PSMD5: variants seen among roughly 807,000 people sequenced by gnomAD.
PSMD5 encodes 26S proteasome non-ATPase regulatory subunit 5.
Under a neutral mutation model 52.1 loss-of-function variants are expected in PSMD5, and 40 were observed. That is an observed-to-expected ratio of 0.77 (90% CI 0.60 to 1.00). The LOEUF (loss-of-function observed/expected upper bound fraction) is 1.00. Among genes scored for constraint, PSMD5 ranks in the 50% least tolerant of loss-of-function variants. The pLI is 0.00. For synonymous variants in PSMD5, 211 were observed against 226.6 expected, an observed-to-expected ratio of 0.93 and a Z score of 0.62; for missense variants, 575 against 605.2, an observed-to-expected ratio of 0.95 and a Z score of 0.52.
Position 120,821,451 on chromosome 9 carries a change from T to C in PSMD5, c.1020A>G (p.Glu340=). 1 of 1,594,028 alleles carries C rather than the reference T, an allele frequency of 6.3e-7. No individual in the cohort carries two copies. The highest frequency in any genetic ancestry group is 8.5e-7 in the Non-Finnish European group (1 of 1,172,704). ...QVLQKTGTRF[E]RLLMRIGHQS... is the part of the protein sequence containing the mutation. The stretch of plus-strand genomic sequence containing the variant: ...GATGTCCTATTCTCATAAGCAAGCG[T>C]TCAAAGCGAGTTCCTTTGAAGGATA... Residue 340 remains glutamate (E), a synonymous_variant, in exon 8 of 10, where the codon GAA becomes GAG. Coordinates refer to ENST00000210313, the MANE Select transcript of PSMD5 (RefSeq NM_005047.4).
intron 9 of PSMD5, among the ~76,000 whole-genome samples, chr9:120,818,995 T>C (rs1242081858): frequency 6.6e-6 from 1 of 152,170 alleles, no homozygotes; most frequent in Non-Finnish European, 1.5e-5. Flanking sequence ...GATACAACTA[T>C]ATTTGAAATA....
At position 120,821,356 on chromosome 9, in the gene PSMD5, G is replaced by A; in HGVS notation, c.1115C>T (p.Pro372Leu). The A allele has an allele frequency of 6.5e-7, 1 of 1,535,860 alleles. No homozygotes were observed. The highest frequency in any genetic ancestry group is 8.9e-7 in the Non-Finnish European group (1 of 1,126,174). Reference protein sequence around the residue: ...LDAISSLLYLPPEQQTDDLLR... With the variant: ...LDAISSLLYLLPEQQTDDLLR... The stretch of plus-strand genomic sequence containing the variant: ...TTCATTATTTCCCTACCTACTTACT[G>A]GTAAGTACAGAAGAGATGAAATTGC... Residue 372 changes from proline to leucine, a missense_variant and splice_region_variant, in exon 8 of 10, where the codon CCA (proline) becomes CTA (leucine). Pro to Leu is a moderately conservative substitution (Grantham distance 98). Coordinates refer to ENST00000210313, the MANE Select transcript of PSMD5 (RefSeq NM_005047.4).
chr9:120,839,977 C>G (rs1208068338), intron 1 of PSMD5, among the ~76,000 whole-genome samples: 2 of 151,084 alleles, frequency 1.3e-5, no homozygotes, highest in Non-Finnish European at 3.0e-5. Context: ...AAAAAATTAG[C>G]TGGGCGTTGT....
chr9:120,842,657 C>T (rs974316336), intron 1 of PSMD5, 80 bp downstream of exon 1: 41 of 1,529,736 alleles, frequency 2.7e-5, no homozygotes, highest in Non-Finnish European at 2.5e-5. Flanking sequence ...GGGAAAAGCG[C>T]TGTTCTTGCC....
intron 8 of PSMD5, 39 bp downstream of exon 8, chr9:120,821,316 C>T: frequency 7.6e-7 from 1 of 1,310,332 alleles, no homozygotes; most frequent in Admixed American, 2.2e-5. Flanking sequence ...TTCTCCCAAA[C>T]ATATCCCACT....
chr9:120,818,190 A>C, intron 9 of PSMD5, 27 bp from the exon 10 acceptor site: 1 of 1,592,552 alleles, frequency 6.3e-7, no homozygotes, highest in Non-Finnish European at 8.6e-7. Context: ...AAAGAATACA[A>C]TTCCCCTGAG....
chr9:120,824,048 G>C (rs1384266596), intron 7 of PSMD5: 1 of 173,074 alleles, frequency 5.8e-6, no homozygotes, highest in African/African-American at 2.5e-5. Flanking sequence ...GAGGCAGGAG[G>C]ATTGCTTGAG....
intron 1 of PSMD5, among the ~76,000 whole-genome samples, chr9:120,840,084 G>GCCACTGCA (rs1288567275): frequency 7.3e-6 from 1 of 137,018 alleles, no homozygotes; most frequent in African/African-American, 2.8e-5. Context: ...CTTACATCCT[G>GCCACTGCA]CCACTGCACT....
chr9:120,834,202 G>C (rs752501120), intron 1 of PSMD5, among the ~76,000 whole-genome samples: 1 of 151,690 alleles, frequency 6.6e-6, no homozygotes, highest in Non-Finnish European at 1.5e-5. Flanking sequence ...TGATGATCTC[G>C]ATCTCCTGAC....
intron 3 of PSMD5, 66 bp downstream of exon 3, chr9:120,831,766 C>A: frequency 6.4e-7 from 1 of 1,550,946 alleles, no homozygotes; most frequent in Non-Finnish European, 8.7e-7. Flanking sequence ...ATTCAGAAGG[C>A]CTTTCTTTAT....
At chr9:120,820,009 C>T (rs1476787988) in intron 9 of PSMD5, among the ~76,000 whole-genome samples, 2 of 152,072 alleles carry the variant, frequency 1.3e-5, no homozygotes, top group Admixed American at 6.5e-5. Context: ...ATTACTAAAG[C>T]GATTACTATC....
chr9:120,840,619 C>CTTTTT, intron 1 of PSMD5, among the ~76,000 whole-genome samples: 1 of 116,176 alleles, frequency 8.6e-6, no homozygotes, highest in Admixed American at 9.2e-5. Context: ...CTAATTTTTG[C>CTTTTT]TTTTTTTTTT....
chr9:120,820,359 T>C (rs989878358), intron 9 of PSMD5, among the ~76,000 whole-genome samples: 1 of 152,232 alleles, frequency 6.6e-6, no homozygotes, highest in Non-Finnish European at 1.5e-5. Context: ...AACTCAACCT[T>C]GTCAATCTGG....
rs1305174239 is a variant in PSMD5 at position 120,818,095 on chromosome 9, C to T, written c.1326G>A (p.Val442=). 3 of 1,614,164 alleles carry T rather than the reference C, an allele frequency of 1.9e-6. No individual in the cohort carries two copies. Among genetic ancestry groups the T allele is most frequent in the East Asian group, 4.5e-5 (2 of 44,886 alleles). ...FNSPGFVEYV[V]DRSVEHDKAS... Reference sequence around the variant, plus strand: ...CTTTGTCATGCTCCACAGACCGGTCCACCACATATTCTACAAAACCTGGAC... The same window carrying T: ...CTTTGTCATGCTCCACAGACCGGTCTACCACATATTCTACAAAACCTGGAC... The change falls in exon 10 of 10, where the codon GTG becomes GTA. Residue 442 remains valine, a synonymous_variant. Transcript: ENST00000210313.
At position 120,826,782 on chromosome 9, in the gene PSMD5, G is replaced by C. The variant is rs1321130768; in HGVS notation, c.797C>G (p.Ser266Cys). ...TTCCTTACCTGGCAGATAGAAGCTAGAGAAAGGGTCTGAATCTGCCCCAAC... is the reference window on the plus strand; with the variant it reads ...TTCCTTACCTGGCAGATAGAAGCTACAGAAAGGGTCTGAATCTGCCCCAAC... ...IIVGADSDPF[S>C]SFYLPGFVKF... Residue 266 changes from serine (S) to cysteine (C), a missense_variant, in exon 6 of 10, where the codon TCT (serine) becomes TGT (cysteine). Ser to Cys is a moderately radical substitution (Grantham distance 112). Coordinates refer to ENST00000210313, the MANE Select transcript of PSMD5 (RefSeq NM_005047.4). 8 of 1,613,804 alleles carry C rather than the reference G, an allele frequency of 5.0e-6. No individual in the cohort carries two copies. The highest frequency in any genetic ancestry group is 5.9e-6 in the Non-Finnish European group (7 of 1,179,782).
rs1318738798 is a variant in PSMD5, at chr9:120,840,122, G to A, written c.173+2615C>T. On this transcript the variant is annotated intron_variant, in intron 1 of 9. Transcript: ENST00000210313. ...AGCCTGGGCAACAGAACGAGAACCC[G>A]TCTCAAAAAAAAAAAAAAAAAAAAA... 3.5e-5 allele frequency among the ~76,000 whole-genome samples: 4 copies of A among 112,940 alleles called. No homozygotes were observed. The Admixed American group carries it at 4.4e-4, about 12-fold the overall frequency. 74.1% of individuals were successfully genotyped at this position (112,940 alleles called of 152,430 possible).
intron 8 of PSMD5, 112 bp downstream of exon 8, chr9:120,821,243 T>A (rs2045082060): frequency 1.2e-6 from 1 of 802,962 alleles, no homozygotes; most frequent in East Asian, 2.5e-5. Context: ...ACTAGTCATA[T>A]AATGAGGGTT....
chr9:120,833,577 G>T, intron 1 of PSMD5, 121 bp from the exon 2 acceptor site: 1 of 994,856 alleles, frequency 1.0e-6, no homozygotes, highest in Non-Finnish European at 1.5e-6. Flanking sequence ...TGAAACAGCA[G>T]CTTTCACTCA....
intron 1 of PSMD5, among the ~76,000 whole-genome samples, chr9:120,839,304 A>G (rs964110483): frequency 6.6e-6 from 1 of 152,234 alleles, no homozygotes; most frequent in Non-Finnish European, 1.5e-5. Context: ...CTAAAAACTC[A>G]CTACAGGCAA....
Sources: allele counts gnomAD v4.1 joint callset (sites outside exome capture counted in the v4.1 genomes callset), GRCh38; gene constraint gnomAD v4.1.1; transcripts MANE v1.5; gene names NCBI Gene and HGNC (gene_info 2026-07-23, HGNC 2026-07-21).